The following ABCA1 variants were observed in gnomAD, a reference collection of about 807,000 sequenced individuals.
ABCA1 encodes phospholipid-transporting ATPase ABCA1.
A neutral mutation model predicts 262.5 loss-of-function variants in ABCA1; 133 were observed. The observed-to-expected ratio is 0.51, with a 90% CI of 0.44 to 0.59. The LOEUF is 0.59. Ranked by LOEUF, ABCA1 falls within the 20% of genes least tolerant of loss-of-function variation. ABCA1 has a pLI of 0.00. For missense variants in ABCA1, 2,452 were observed against 2,777.5 expected, an observed-to-expected ratio of 0.88 and a Z score of 2.63; for synonymous variants, 1,022 against 1,043.5, an observed-to-expected ratio of 0.98 and a Z score of 0.40.
rs41504247 is a variant in ABCA1, at chr9:104,831,130, T to C, written c.1716-29A>G. ...AAACCAAACCACAGGTAATCAACCA[T>C]TCCTTTAGAACCATACAATAAAAAA... On this transcript the variant is annotated intron_variant, in intron 13 of 49. Transcript: ENST00000374736. The C allele has an allele frequency of 8.9e-4, 1,398 of 1,563,422 alleles. 14 individuals are homozygous for C. In the African/African-American group the frequency reaches 0.019, roughly 21 times the overall value.
intron 49 of ABCA1, among the ~76,000 whole-genome samples, chr9:104,784,936 G>A (rs10820733): frequency 0.2 from 29,734 of 151,980 alleles, 3,030 homozygotes; most frequent in East Asian, 0.3. Flanking sequence ...GAGCCACCAC[G>A]CCCGGCCAAA....
chr9:104,823,065 A>G (rs79791220), intron 18 of ABCA1, among the ~76,000 whole-genome samples: 3 of 107,380 alleles, frequency 2.8e-5, no homozygotes, highest in South Asian at 5.7e-4. Flanking sequence ...CTGCTGAGTG[A>G]AAAAAAAAAA....
chr9:104,788,422 G>C lies in ABCA1; in HGVS notation c.6069+4C>G, dbSNP rs764400946. On this transcript the variant is annotated splice_donor_region_variant and intron_variant, in intron 45 of 49. Transcript: ENST00000374736. ...ACAGGCTGGCTTTCAGGTGCCCACA[G>C]TACCTTGCCAACTTCTTTCTCTGGG... is the stretch of plus-strand genomic sequence containing the variant. 1 of 1,614,104 alleles carries C rather than the reference G, an allele frequency of 6.2e-7. No individual in the cohort carries two copies. Among genetic ancestry groups the C allele is most frequent in the Non-Finnish European group, 8.5e-7 (1 of 1,179,964 alleles).
At chr9:104,910,238 A>T (rs1248598319) in intron 1 of ABCA1, among the ~76,000 whole-genome samples, 2 of 152,186 alleles carry the variant, frequency 1.3e-5, no homozygotes, top group Non-Finnish European at 2.9e-5. Flanking sequence ...GTCATGCTCC[A>T]TTTGACTGTC....
chr9:104,827,070 G>C lies in ABCA1; in HGVS notation c.2215C>G (p.Leu739Val), dbSNP rs1832872176. The C allele has an allele frequency of 2.5e-6, 4 of 1,614,190 alleles. No homozygotes were observed. Among genetic ancestry groups the C allele is most frequent in the Non-Finnish European group, 3.4e-6 (4 of 1,180,036 alleles). ...GCTGCCAGGTTGGCTCTGGAGAAGA[G>C]TGTGCTAATCAGGAAGCACTGCAGG... Reference protein sequence around the residue: ...TILQCFLISTLFSRANLAAAC... With the variant: ...TILQCFLISTVFSRANLAAAC... The change falls in exon 16 of 50, where the codon CTC (leucine) becomes GTC (valine). Residue 739 changes from leucine (L) to valine (V), a missense_variant. Coordinates refer to ENST00000374736, the MANE Select transcript of ABCA1 (RefSeq NM_005502.4).
In ABCA1 at chr9:104,798,476, A is replaced by T; in HGVS notation, c.5066T>A (p.Phe1689Tyr). The change falls in exon 37 of 50, where the codon TTC becomes TAC. Residue 1689 changes from phenylalanine (F) to tyrosine (Y), a missense_variant. By Grantham distance (22) the Phe-to-Tyr change is conservative. Coordinates refer to ENST00000374736, the MANE Select transcript of ABCA1 (RefSeq NM_005502.4). ...GATGACAGGCTTCACTCCACTGATGAACTGCAGGTGTTTTGCTTTGCTGAC... is the reference window on the plus strand; with the variant it reads ...GATGACAGGCTTCACTCCACTGATGTACTGCAGGTGTTTTGCTTTGCTGAC... Reference protein sequence around the residue: ...ERVSKAKHLQFISGVKPVIYW... With the variant: ...ERVSKAKHLQYISGVKPVIYW... 3 of 1,614,208 alleles carry T rather than the reference A, an allele frequency of 1.9e-6. No individual in the cohort carries two copies. Among genetic ancestry groups the T allele is most frequent in the Non-Finnish European group, 2.5e-6 (3 of 1,180,036 alleles).
At chr9:104,784,720 T>C (rs1828764609) in intron 49 of ABCA1, among the ~76,000 whole-genome samples, 1 of 152,192 alleles carries the variant, frequency 6.6e-6, no homozygotes, top group South Asian at 2.1e-4. Context: ...CTTGGCTCAC[T>C]GTAACCTCCA....
intron 9 of ABCA1, 96 bp from the exon 10 acceptor site, chr9:104,837,663 C>A: frequency 2.8e-6 from 4 of 1,416,556 alleles, no homozygotes; most frequent in Non-Finnish European, 3.9e-6. Flanking sequence ...TAGTTGAAAC[C>A]CCAGCTCTAC....
chr9:104,836,822 T>C (rs1481148577), intron 11 of ABCA1, among the ~76,000 whole-genome samples, 158 bp downstream of exon 11: 6 of 152,208 alleles, frequency 3.9e-5, no homozygotes, highest in Non-Finnish European at 7.3e-5. Flanking sequence ...CCTGTACTTC[T>C]GGAGAGGTGG....
chr9:104,924,142 T>C (rs1342029063), intron 1 of ABCA1, among the ~76,000 whole-genome samples: 1 of 152,220 alleles, frequency 6.6e-6, no homozygotes, highest in Non-Finnish European at 1.5e-5. Flanking sequence ...ACTTTGGCCA[T>C]TCATGGTTGT....
chr9:104,784,404 G>C lies in ABCA1; in HGVS notation c.6697C>G (p.Leu2233Val). Residue 2233 changes from leucine (L) to valine (V), a missense_variant, in exon 50 of 50, where the codon CTC (leucine) becomes GTC (valine). By Grantham distance (32) the Leu-to-Val change is conservative. This residue lies in a region of ABCA1 where 752 missense variants were observed against 944.5 expected (regional missense o/e 0.80). Transcript: ENST00000374736. ...ACTGTCTGGTTTTTGTGTAATGAGA[G>C]GTCTTTTAAGTGGTCATCATCACTT... ...DQSDDDHLKD[L>V]SLHKNQTVVD... 6.2e-7 allele frequency: 1 copy of C among 1,614,032 alleles called. No homozygotes were observed. Among genetic ancestry groups the C allele is most frequent in the South Asian group, 1.1e-5 (1 of 91,084 alleles).
At chr9:104,877,133 G>A (rs4149274) in intron 5 of ABCA1, among the ~76,000 whole-genome samples, 45,806 of 152,002 alleles carry the variant, frequency 0.3, 7,153 homozygotes, top group South Asian at 0.48. Context: ...AAGCTCTGGG[G>A]GGCAATTTTG....
chr9:104,836,094 C>T (rs1833793239), intron 11 of ABCA1, among the ~76,000 whole-genome samples: 1 of 152,216 alleles, frequency 6.6e-6, no homozygotes, highest in South Asian at 2.1e-4. Context: ...TGAATCCATA[C>T]AAATCACTGT....
chr9:104,854,526 G>A (rs796471918), intron 7 of ABCA1, among the ~76,000 whole-genome samples: 26 of 152,202 alleles, frequency 1.7e-4, no homozygotes, highest in African/African-American at 5.3e-4. Context: ...CACTACTATG[G>A]CTCCTTCCTG....
At chr9:104,896,748 T>C (rs868039142) in intron 2 of ABCA1, among the ~76,000 whole-genome samples, 22 of 121,712 alleles carry the variant, frequency 1.8e-4, no homozygotes, top group African/African-American at 3.1e-4. Flanking sequence ...TTTTTTTTTT[T>C]CAGACAGAGT....
At chr9:104,916,455 A>G (rs2118511230) in intron 1 of ABCA1, among the ~76,000 whole-genome samples, 1 of 152,338 alleles carries the variant, frequency 6.6e-6, no homozygotes, top group East Asian at 1.9e-4. Flanking sequence ...AATATTTAAC[A>G]TTTCAGTGTC....
intron 43 of ABCA1, 137 bp downstream of exon 43, chr9:104,791,799 G>A: frequency 1.3e-6 from 1 of 781,802 alleles, no homozygotes; most frequent in Non-Finnish European, 2.2e-6. Flanking sequence ...TCTTCTCGAT[G>A]ACTAATTGCT....
intron 5 of ABCA1, among the ~76,000 whole-genome samples, chr9:104,866,310 T>C (rs1435686640): frequency 6.6e-6 from 1 of 152,126 alleles, no homozygotes; most frequent in Non-Finnish European, 1.5e-5. Flanking sequence ...CTCCCCTATG[T>C]TGCTGGCAGG....
At position 104,821,400 on chromosome 9, in the gene ABCA1, G is replaced by T. The variant is rs773719614; in HGVS notation, c.2935C>A (p.Pro979Thr). 1 of 1,614,150 alleles carries T rather than the reference G, an allele frequency of 6.2e-7. No individual in the cohort carries two copies. Among genetic ancestry groups the T allele is most frequent in the Non-Finnish European group, 8.5e-7 (1 of 1,180,044 alleles). The stretch of plus-strand genomic sequence containing the variant: ...ATGTCAAACAGCACGTTATGCTGGG[G>T]ACAGACCCCCAGGTTCTGCCGGATG... ...STIRQNLGVCPQHNVLFDMLT... is the reference protein window; with the variant it reads ...STIRQNLGVCTQHNVLFDMLT... The change falls in exon 20 of 50, where the codon CCC becomes ACC. Residue 979 changes from proline (P) to threonine (T), a missense_variant. Coordinates refer to ENST00000374736, the MANE Select transcript of ABCA1 (RefSeq NM_005502.4).
Sources: allele counts gnomAD v4.1 joint callset (sites outside exome capture counted in the v4.1 genomes callset), GRCh38; gene constraint gnomAD v4.1.1; regional missense constraint gnomAD v4.1.1; transcripts MANE v1.5; gene names NCBI Gene and HGNC (gene_info 2026-07-23, HGNC 2026-07-21).